The following TNFRSF19 variants were observed in gnomAD, a reference collection of about 807,000 sequenced individuals.
The protein encoded by TNFRSF19 is tumor necrosis factor receptor superfamily member 19.
In TNFRSF19, 27 loss-of-function variants were observed where a neutral mutation model predicts 46.4. The ratio of observed to expected loss-of-function variants is 0.58; its 90% CI spans 0.43 to 0.80. TNFRSF19 has a LOEUF of 0.80. Among genes scored for constraint, TNFRSF19 ranks in the 30% least tolerant of loss-of-function variants. TNFRSF19 has a pLI of 0.00. For synonymous variants in TNFRSF19, 204 were observed against 205.0 expected (o/e 1.00, Z 0.04); for missense variants, 511 against 530.8 (o/e 0.96, Z 0.37).
chr13:23,615,331 T>G (rs1210002118), intron 3 of TNFRSF19, among the ~76,000 whole-genome samples: 1 of 152,202 alleles, frequency 6.6e-6, no homozygotes, highest in Non-Finnish European at 1.5e-5. Context: ...TTAACAAATA[T>G]GTAAGACTCT....
chr13:23,588,860 T>A (rs193299883), intron 1 of TNFRSF19, among the ~76,000 whole-genome samples: 138 of 152,292 alleles, frequency 9.1e-4, no homozygotes, highest in African/African-American at 3.2e-3. Flanking sequence ...TTCAAATGGG[T>A]CATTCACTCA....
intron 4 of TNFRSF19, 86 bp from the exon 5 acceptor site, chr13:23,626,621 G>C (rs1882029392): frequency 7.9e-7 from 1 of 1,269,560 alleles, no homozygotes; most frequent in African/African-American, 1.5e-5. Context: ...CCGTAGAACT[G>C]GTAATGGAGA....
Position 23,674,446 on chromosome 13 carries a change from A to G in TNFRSF19, c.*1066A>G, listed in dbSNP as rs1951799202. 1 of 152,202 alleles carries G rather than the reference A, an allele frequency of 6.6e-6. No individual in the cohort carries two copies. The highest frequency in any genetic ancestry group is 2.4e-5 in the African/African-American group (1 of 41,448). The allele number at this position is 152,202 out of a possible 1,614,324, so 9.4% of individuals were successfully genotyped here. On this transcript the variant is annotated 3_prime_UTR_variant, in exon 10 of 10. Coordinates refer to ENST00000248484, the MANE Select transcript of TNFRSF19 (RefSeq NM_148957.4). Reference sequence around the variant, plus strand: ...TGCCCTAGTGTAGTTTGACCAGGACATTGTCGTGCTCCTTCCAATTGTGTA... The same window carrying G: ...TGCCCTAGTGTAGTTTGACCAGGACGTTGTCGTGCTCCTTCCAATTGTGTA...
intron 3 of TNFRSF19, among the ~76,000 whole-genome samples, chr13:23,615,543 C>T (rs1408117168): frequency 6.6e-6 from 1 of 152,198 alleles, no homozygotes; most frequent in African/African-American, 2.4e-5. Flanking sequence ...TGAGCATGCA[C>T]ATGACTGGCT....
At chr13:23,593,107 G>C (rs138968459) in intron 2 of TNFRSF19, among the ~76,000 whole-genome samples, 193 of 152,146 alleles carry the variant, frequency 1.3e-3, no homozygotes, top group Middle Eastern at 3.4e-3. Context: ...GGGATACCCT[G>C]TTTAGAGAAT....
intron 3 of TNFRSF19, among the ~76,000 whole-genome samples, chr13:23,614,011 C>T (rs1200643483): frequency 6.6e-6 from 1 of 152,196 alleles, no homozygotes; most frequent in East Asian, 1.9e-4. Flanking sequence ...CTAATCTTCC[C>T]CTCCTCTGAA....
intron 1 of TNFRSF19, among the ~76,000 whole-genome samples, chr13:23,574,499 T>A (rs547500711): frequency 6.6e-6 from 1 of 152,164 alleles, no homozygotes; most frequent in African/African-American, 2.4e-5. Context: ...GTAAGAACTA[T>A]TAGACATTTT....
At chr13:23,591,064 A>G (rs1434440925) in intron 2 of TNFRSF19, among the ~76,000 whole-genome samples, 2 of 152,268 alleles carry the variant, frequency 1.3e-5, no homozygotes, top group Non-Finnish European at 2.9e-5. Context: ...AATGTGTTCA[A>G]AAGAACAAAG....
At chr13:23,649,996 A>G (rs1368339969) in intron 5 of TNFRSF19, among the ~76,000 whole-genome samples, 1 of 152,164 alleles carries the variant, frequency 6.6e-6, no homozygotes, top group African/African-American at 2.4e-5. Flanking sequence ...AGAAGGTTCC[A>G]TGTACACGTG....
At chr13:23,638,109 G>A (rs1882802873) in intron 5 of TNFRSF19, among the ~76,000 whole-genome samples, 1 of 102,380 alleles carries the variant, frequency 9.8e-6, no homozygotes, top group South Asian at 2.7e-4. Context: ...CTGTTTCTCG[G>A]TGCAGAAGTT....
chr13:23,633,052 A>C (rs959228439), intron 5 of TNFRSF19, among the ~76,000 whole-genome samples: 1 of 150,800 alleles, frequency 6.6e-6, no homozygotes, highest in Non-Finnish European at 1.5e-5. Flanking sequence ...TACAGTTCTT[A>C]TTATTATTCT....
intron 1 of TNFRSF19, among the ~76,000 whole-genome samples, chr13:23,586,461 G>A (rs754272245): frequency 1.3e-5 from 2 of 152,158 alleles, no homozygotes; most frequent in Non-Finnish European, 2.9e-5. Flanking sequence ...GGAAGGGACA[G>A]TTGAGGGACC....
chr13:23,590,967 A>G (rs546108536), intron 2 of TNFRSF19, among the ~76,000 whole-genome samples: 1 of 152,380 alleles, frequency 6.6e-6, no homozygotes, highest in South Asian at 2.1e-4. Flanking sequence ...ATTATTTTAT[A>G]TAGTTGTTTA....
At chr13:23,579,149 C>G (rs1238995944) in intron 1 of TNFRSF19, among the ~76,000 whole-genome samples, 1 of 152,234 alleles carries the variant, frequency 6.6e-6, no homozygotes, top group Non-Finnish European at 1.5e-5. Context: ...CCCAAGCCCC[C>G]AGTCAGCCTC....
intron 1 of TNFRSF19, among the ~76,000 whole-genome samples, chr13:23,586,907 A>C (rs1593233129): frequency 6.6e-6 from 1 of 152,244 alleles, no homozygotes; most frequent in African/African-American, 2.4e-5. Flanking sequence ...ACCAGGCATC[A>C]TTAGTCTTCT....
intron 1 of TNFRSF19, among the ~76,000 whole-genome samples, chr13:23,587,388 C>CA (rs1426634787): frequency 7.4e-4 from 113 of 152,282 alleles, no homozygotes; most frequent in African/African-American, 2.6e-3. Flanking sequence ...TACTCCTAGG[C>CA]CAGGCTATGT....
rs148602078 is a variant in TNFRSF19, at chr13:23,609,346, C to T, written c.181-6521C>T. On this transcript the variant is annotated intron_variant, in intron 3 of 9. Transcript: ENST00000248484. ...TGAACCATAAATATGGTGAGGGTTA[C>T]TCGGCCATCAGGCATCCTTTCAGCT... is the stretch of plus-strand genomic sequence containing the variant. Among the ~76,000 whole-genome samples the T allele has an allele frequency of 1.1e-3, 175 of 152,294 alleles. 1 individual carries two copies. The highest frequency in any genetic ancestry group is 3.2e-3 in the African/African-American group (132 of 41,564).
chr13:23,619,102 C>A (rs141179524), intron 4 of TNFRSF19, among the ~76,000 whole-genome samples: 2 of 152,280 alleles, frequency 1.3e-5, no homozygotes, highest in Non-Finnish European at 2.9e-5. Context: ...TCTATTACAG[C>A]AGCACAAAAC....
chr13:23,666,608 A>G (rs1022844212), intron 7 of TNFRSF19, among the ~76,000 whole-genome samples: 1 of 152,216 alleles, frequency 6.6e-6, no homozygotes, highest in African/African-American at 2.4e-5. Flanking sequence ...TGCCACCAAA[A>G]GAAGTCCCAG....
Sources: allele counts gnomAD v4.1 joint callset (sites outside exome capture counted in the v4.1 genomes callset), GRCh38; gene constraint gnomAD v4.1.1; transcripts MANE v1.5; gene names NCBI Gene and HGNC (gene_info 2026-07-23, HGNC 2026-07-21).